SLC27A6: variants seen among roughly 807,000 people sequenced by gnomAD.
SLC27A6 encodes the protein solute carrier family 27 member 6.
In SLC27A6, 74 loss-of-function variants were observed where a neutral mutation model predicts 63.9. That is an observed-to-expected ratio of 1.16 (90% CI 0.96 to 1.40). SLC27A6 has a LOEUF of 1.40. Among genes scored for constraint, SLC27A6 ranks in the 40% most tolerant of loss-of-function variants. The probability of loss-of-function intolerance (pLI) is 0.00; values close to 1 mark genes in which losing one functional copy is unlikely to be tolerated. For synonymous variants in SLC27A6, 287 were observed against 260.8 expected (o/e 1.10, Z -0.97); for missense variants, 794 against 732.9 (o/e 1.08, Z -0.96).
At chr5:128,988,364 A>G (rs1750862277) in intron 2 of SLC27A6, among the ~76,000 whole-genome samples, 3 of 152,218 alleles carry the variant, frequency 2.0e-5, no homozygotes, top group Admixed American at 6.5e-5. Context: ...AAAATTACAT[A>G]GCGTTTGAGA....
chr5:129,005,788 A>G lies in SLC27A6; in HGVS notation c.970-10097A>G, dbSNP rs6891875. Among the ~76,000 whole-genome samples, 778 of 150,012 alleles carry G rather than the reference A, an allele frequency of 5.2e-3. 13 individuals carry two copies. Among genetic ancestry groups the G allele is most frequent in the African/African-American group, 0.018 (739 of 40,874 alleles). On this transcript the variant is annotated intron_variant, in intron 4 of 9. Transcript: ENST00000262462. ...CCACCATGCCTGGCTAATTTTTCCTATTTTTAGTGGAGACGGGGTTTCACG... is the reference window on the plus strand; with the variant it reads ...CCACCATGCCTGGCTAATTTTTCCTGTTTTTAGTGGAGACGGGGTTTCACG...
intron 1 of SLC27A6, among the ~76,000 whole-genome samples, chr5:128,974,635 C>A (rs2150128876): frequency 6.6e-6 from 1 of 152,282 alleles, no homozygotes; most frequent in Middle Eastern, 3.4e-3. Context: ...ACTATTAAAT[C>A]ATTATACCCC....
At chr5:129,010,891 TA>T (rs776282757) in intron 4 of SLC27A6, among the ~76,000 whole-genome samples, 61 of 152,194 alleles carry the variant, frequency 4.0e-4, no homozygotes, top group Non-Finnish European at 6.8e-4. Context: ...ACAAACCAGT[TA>T]AGTTGATGTG....
At chr5:128,973,001 G>T (rs1750238861) in intron 1 of SLC27A6, among the ~76,000 whole-genome samples, 1 of 152,140 alleles carries the variant, frequency 6.6e-6, no homozygotes, top group Non-Finnish European at 1.5e-5. Flanking sequence ...CTGTTTATTA[G>T]TTTTCCTTCT....
Position 129,014,551 on chromosome 5 carries a change from A to G in SLC27A6, c.970-1334A>G, listed in dbSNP as rs139208170. On this transcript the variant is annotated intron_variant, in intron 4 of 9. Coordinates refer to ENST00000262462, the MANE Select transcript of SLC27A6 (RefSeq NM_001017372.3). ...GCCTCCAAATCCATTTTAGTTTGGTATGACGTGAAGGACTCTATTTTGTAA... is the reference window on the plus strand; with the variant it reads ...GCCTCCAAATCCATTTTAGTTTGGTGTGACGTGAAGGACTCTATTTTGTAA... Among the ~76,000 whole-genome samples the G allele has an allele frequency of 7.7e-4, 117 of 152,252 alleles. No individual in the cohort carries two copies. The East Asian group carries it at 0.018, about 23-fold the overall frequency.
intron 4 of SLC27A6, among the ~76,000 whole-genome samples, chr5:128,996,161 T>C (rs1751153358): frequency 6.6e-6 from 1 of 152,148 alleles, no homozygotes; most frequent in African/African-American, 2.4e-5. Context: ...ACCTATAGTG[T>C]GATACATGTA....
intron 2 of SLC27A6, 97 bp from the exon 3 acceptor site, chr5:128,988,503 C>G: frequency 1.1e-6 from 1 of 931,866 alleles, no homozygotes; most frequent in Non-Finnish European, 1.6e-6. Context: ...GTATCATCTT[C>G]TTTCTGTTAC....
At chr5:129,006,655 A>C (rs1304890368) in intron 4 of SLC27A6, among the ~76,000 whole-genome samples, 1 of 152,212 alleles carries the variant, frequency 6.6e-6, no homozygotes, top group Non-Finnish European at 1.5e-5. Context: ...GTTACTGGTA[A>C]CTTTCAAGAA....
intron 5 of SLC27A6, among the ~76,000 whole-genome samples, chr5:129,017,480 A>G (rs188473963): frequency 9.9e-5 from 15 of 152,248 alleles, no homozygotes; most frequent in African/African-American, 3.4e-4. Flanking sequence ...CTATAAGTTA[A>G]TTTTTAAAAG....
chr5:129,000,136 G>A (rs1369343311), intron 4 of SLC27A6, among the ~76,000 whole-genome samples: 2 of 152,166 alleles, frequency 1.3e-5, no homozygotes, highest in Non-Finnish European at 2.9e-5. Context: ...GGTGCGGTGT[G>A]AAAGCTGTGA....
chr5:128,990,196 A>G, intron 3 of SLC27A6, 144 bp from the exon 4 acceptor site: 1 of 734,686 alleles, frequency 1.4e-6, no homozygotes, highest in Non-Finnish European at 2.2e-6. Flanking sequence ...TTTCCAAATG[A>G]GTTTGATATA....
chr5:129,020,728 C>T (rs1218812768), intron 5 of SLC27A6, among the ~76,000 whole-genome samples: 1 of 152,096 alleles, frequency 6.6e-6, no homozygotes, highest in Non-Finnish European at 1.5e-5. Flanking sequence ...ACAGTCCCCA[C>T]AAGACCACTC....
chr5:129,004,568 C>T (rs1381537014), intron 4 of SLC27A6, among the ~76,000 whole-genome samples: 1 of 152,190 alleles, frequency 6.6e-6, no homozygotes, highest in African/African-American at 2.4e-5. Context: ...TGCATGTCCT[C>T]TCATTCCTAT....
chr5:128,988,414 A>G (rs1323746651), intron 2 of SLC27A6, among the ~76,000 whole-genome samples, 186 bp from the exon 3 acceptor site: 1 of 152,234 alleles, frequency 6.6e-6, no homozygotes, highest in African/African-American at 2.4e-5. Flanking sequence ...AGCGTTGCTA[A>G]AGTCAGAATG....
At chr5:129,022,695 C>T (rs1221411510) in intron 5 of SLC27A6, among the ~76,000 whole-genome samples, 1 of 152,066 alleles carries the variant, frequency 6.6e-6, no homozygotes, top group African/African-American at 2.4e-5. Context: ...CGAAGTGGCT[C>T]ACACCTGTAA....
chr5:128,974,035 A>G (rs1750287373), intron 1 of SLC27A6, among the ~76,000 whole-genome samples: 1 of 152,252 alleles, frequency 6.6e-6, no homozygotes, highest in Non-Finnish European at 1.5e-5. Context: ...AGTTCTGTTT[A>G]CAAGGGCCAA....
At chr5:128,999,504 A>G (rs1020950429) in intron 4 of SLC27A6, among the ~76,000 whole-genome samples, 4 of 151,962 alleles carry the variant, frequency 2.6e-5, no homozygotes, top group African/African-American at 4.8e-5. Flanking sequence ...TTAACTCTCA[A>G]ATTGGTGTCT....
intron 4 of SLC27A6, among the ~76,000 whole-genome samples, chr5:129,006,749 G>C (rs1237708854): frequency 6.6e-6 from 1 of 151,944 alleles, no homozygotes; most frequent in Non-Finnish European, 1.5e-5. Flanking sequence ...TAACTCTTTT[G>C]TAAGTGTCAT....
At chr5:129,011,294 C>T (rs1751720041) in intron 4 of SLC27A6, among the ~76,000 whole-genome samples, 1 of 152,104 alleles carries the variant, frequency 6.6e-6, no homozygotes, top group African/African-American at 2.4e-5. Flanking sequence ...ATGTCCTTGC[C>T]AACACTTGTT....
Sources: allele counts gnomAD v4.1 joint callset (sites outside exome capture counted in the v4.1 genomes callset), GRCh38; gene constraint gnomAD v4.1.1; transcripts MANE v1.5; gene names NCBI Gene and HGNC (gene_info 2026-07-23, HGNC 2026-07-21).